ALKAL1: variants seen among roughly 807,000 people sequenced by gnomAD.
ALKAL1 encodes ALK and LTK ligand 1, also known as AUG-beta.
ALKAL1 carries 23 observed loss-of-function variants against 13.5 expected under a neutral mutation model. The ratio of observed to expected loss-of-function variants is 1.70; its 90% CI spans 1.23 to 2.41. The LOEUF is 2.41. Ranked by LOEUF, ALKAL1 falls within the 30% of genes most tolerant of loss-of-function variation. The pLI is 0.00. For synonymous variants in ALKAL1, 85 were observed against 77.7 expected, an observed-to-expected ratio of 1.09 and a Z score of -0.49; for missense variants, 181 against 178.4, an observed-to-expected ratio of 1.01 and a Z score of -0.08.
At chr8:52,538,951 C>G (rs1847288270) in intron 3 of ALKAL1, among the ~76,000 whole-genome samples, 2 of 151,742 alleles carry the variant, frequency 1.3e-5, no homozygotes, top group East Asian at 3.9e-4. Context: ...GGTTGTAAGA[C>G]TGGCTAATTT....
chr8:52,550,223 G>A (rs758882476), intron 1 of ALKAL1, among the ~76,000 whole-genome samples: 8 of 152,106 alleles, frequency 5.3e-5, no homozygotes, highest in East Asian at 1.9e-4. Flanking sequence ...TGTAAATTAC[G>A]CAGAGGATAA....
chr8:52,549,916 T>C (rs893122748), intron 1 of ALKAL1, among the ~76,000 whole-genome samples: 4 of 152,172 alleles, frequency 2.6e-5, no homozygotes, highest in Admixed American at 6.6e-5. Flanking sequence ...CACTCCAGCC[T>C]GGGTGACAGA....
intron 1 of ALKAL1, among the ~76,000 whole-genome samples, chr8:52,545,896 T>C (rs1399335229): frequency 2.0e-5 from 3 of 152,216 alleles, no homozygotes; most frequent in African/African-American, 7.2e-5. Context: ...ATTCCTCCAT[T>C]GTGGGAGCAT....
At chr8:52,540,736 TA>T (rs901719265) in intron 2 of ALKAL1, among the ~76,000 whole-genome samples, 6 of 151,376 alleles carry the variant, frequency 4.0e-5, no homozygotes, top group Admixed American at 1.3e-4. Flanking sequence ...CCCCATCTCT[TA>T]AAAAAAATAC....
At chr8:52,562,329 C>T (rs1414444885) in intron 1 of ALKAL1, among the ~76,000 whole-genome samples, 3 of 152,178 alleles carry the variant, frequency 2.0e-5, no homozygotes, top group Admixed American at 6.5e-5. Context: ...AGAGACATCG[C>T]AGGCAGGAAT....
At chr8:52,537,031 G>T (rs565743649) in intron 4 of ALKAL1, among the ~76,000 whole-genome samples, 1 of 152,254 alleles carries the variant, frequency 6.6e-6, no homozygotes, top group South Asian at 2.1e-4. Flanking sequence ...GCTATTAACA[G>T]AGTGAAGAGA....
At chr8:52,541,959 C>T (rs917300222) in intron 2 of ALKAL1, among the ~76,000 whole-genome samples, 1 of 151,902 alleles carries the variant, frequency 6.6e-6, no homozygotes, top group African/African-American at 2.4e-5. Flanking sequence ...CATATTTGAC[C>T]AGGGCCAAAT....
At position 52,534,059 on chromosome 8, in the gene ALKAL1, C is replaced by G. The variant is rs1263877882; in HGVS notation, c.*554G>C. ...ACCTCTATTACAAACATCTTTAATT[C>G]AAAGGAAACAACACATTTTTTCATA... On this transcript the variant is annotated 3_prime_UTR_variant, in exon 5 of 5. Transcript: ENST00000358543. 6.6e-6 allele frequency: 1 copy of G among 152,094 alleles called. No homozygotes were observed. Among genetic ancestry groups the G allele is most frequent in the Non-Finnish European group, 1.5e-5 (1 of 68,022 alleles). 9.4% of individuals were successfully genotyped at this position (152,094 alleles called of 1,614,324 possible).
intron 1 of ALKAL1, among the ~76,000 whole-genome samples, chr8:52,563,843 C>T (rs976373470): frequency 7.2e-5 from 11 of 152,170 alleles, no homozygotes; most frequent in African/African-American, 1.9e-4. Flanking sequence ...GGGCAGGACA[C>T]CCTGCTCACT....
intron 2 of ALKAL1, among the ~76,000 whole-genome samples, chr8:52,541,814 C>T (rs995921917): frequency 6.6e-6 from 1 of 151,944 alleles, no homozygotes. Flanking sequence ...ATATGAAAGT[C>T]TGTCCCTCCC....
chr8:52,538,412 AAAAT>A lies in ALKAL1; in HGVS notation c.*12+15_*12+18del. On this transcript the variant is annotated intron_variant, in intron 4 of 4. Transcript: ENST00000358543. ...AGTTAGACTATTAAACAGGATAAGA[AAAAT>A]AAATATATACTCACAGGGTAGTTTT... The A allele has an allele frequency of 2.1e-6, 3 of 1,445,624 alleles. No individual in the cohort carries two copies. The highest frequency in any genetic ancestry group is 2.9e-6 in the Non-Finnish European group (3 of 1,039,798). 89.5% of individuals were successfully genotyped at this position (1,445,624 alleles called of 1,614,324 possible).
intron 1 of ALKAL1, among the ~76,000 whole-genome samples, chr8:52,563,458 A>G (rs1847571242): frequency 1.3e-5 from 2 of 152,140 alleles, no homozygotes; most frequent in South Asian, 2.1e-4. Context: ...ATATTGTTTT[A>G]TCCCTTGTAA....
At chr8:52,560,177 T>C (rs1257844570) in intron 1 of ALKAL1, among the ~76,000 whole-genome samples, 1 of 152,130 alleles carries the variant, frequency 6.6e-6, no homozygotes, top group Non-Finnish European at 1.5e-5. Flanking sequence ...AACGATATCA[T>C]CAAATCAAAA....
chr8:52,554,431 C>T (rs1847461581), intron 1 of ALKAL1, among the ~76,000 whole-genome samples: 1 of 152,164 alleles, frequency 6.6e-6, no homozygotes. Context: ...CTGGGAAACT[C>T]CAGAGGGCTG....
At chr8:52,562,607 T>A (rs1847561810) in intron 1 of ALKAL1, among the ~76,000 whole-genome samples, 1 of 151,918 alleles carries the variant, frequency 6.6e-6, no homozygotes, top group Non-Finnish European at 1.5e-5. Flanking sequence ...CTGGAAATGA[T>A]CCCCCCACCT....
chr8:52,560,476 C>T (rs1400250368), intron 1 of ALKAL1, among the ~76,000 whole-genome samples: 1 of 152,146 alleles, frequency 6.6e-6, no homozygotes, highest in East Asian at 1.9e-4. Context: ...GAAATCTGCT[C>T]TCAAATGTCA....
At chr8:52,552,440 A>C (rs1847439074) in intron 1 of ALKAL1, among the ~76,000 whole-genome samples, 1 of 152,188 alleles carries the variant, frequency 6.6e-6, no homozygotes, top group Non-Finnish European at 1.5e-5. Flanking sequence ...ACTTCTCAGA[A>C]GGAGGTCACT....
intron 1 of ALKAL1, among the ~76,000 whole-genome samples, chr8:52,547,262 C>G (rs1434264046): frequency 6.6e-6 from 1 of 152,004 alleles, no homozygotes; most frequent in Admixed American, 6.5e-5. Flanking sequence ...CTTTGGGAGG[C>G]TGAGGCAGGT....
At chr8:52,564,419 G>C (rs1315632316) in intron 1 of ALKAL1, among the ~76,000 whole-genome samples, 1 of 152,166 alleles carries the variant, frequency 6.6e-6, no homozygotes, top group African/African-American at 2.4e-5. Context: ...TCTGCCTGTG[G>C]ATGTCTCATG....
Sources: gnomAD v4.1 joint callset for allele counts (sites outside exome capture counted in the v4.1 genomes callset) on GRCh38, gnomAD v4.1.1 for gene constraint, MANE v1.5 for transcripts, NCBI Gene and HGNC (gene_info 2026-07-23, HGNC 2026-07-21) for gene names.